The following HNRNPR variants were observed in gnomAD, a reference collection of about 807,000 sequenced individuals.
HNRNPR encodes the protein heterogeneous nuclear ribonucleoprotein R.
A neutral mutation model predicts 70.3 loss-of-function variants in HNRNPR; 4 were observed. The ratio of observed to expected loss-of-function variants is 0.06; its 90% confidence interval spans 0.03 to 0.13. The LOEUF (loss-of-function observed/expected upper bound fraction) is 0.13. HNRNPR is among the 10% of genes least tolerant of loss of function. HNRNPR has a pLI of 1.00. For missense variants in HNRNPR, 423 were observed against 788.5 expected (o/e 0.54, Z 5.55); for synonymous variants, 241 against 267.6 (o/e 0.90, Z 0.97).
chr1:23,325,591 A>G (rs1474422946), intron 5 of HNRNPR, among the ~76,000 whole-genome samples: 2 of 152,136 alleles, frequency 1.3e-5, no homozygotes, highest in African/African-American at 4.8e-5. Flanking sequence ...CTTACCTCTC[A>G]CAATGTCTAC....
At chr1:23,338,096 T>C in intron 3 of HNRNPR, 1 of 434,086 alleles carries the variant, frequency 2.3e-6, no homozygotes, top group Middle Eastern at 5.9e-4. Context: ...CTTCCACTTG[T>C]TGATATGTGA....
Position 23,329,871 on chromosome 1 carries a change from T to C in HNRNPR, c.498+3647A>G, listed in dbSNP as rs540141383. Reference sequence around the variant, plus strand: ...GTCTCAAACACCTGGGTTCAAATGATTCTCCTGCCTCAGCCTCCTGAAATG... The same window carrying C: ...GTCTCAAACACCTGGGTTCAAATGACTCTCCTGCCTCAGCCTCCTGAAATG... On this transcript the variant is annotated intron_variant, in intron 5 of 10. Transcript: ENST00000302271. Among the ~76,000 whole-genome samples, 6 of 152,308 alleles carry C rather than the reference T, an allele frequency of 3.9e-5. No individual in the cohort carries two copies. In the South Asian group the frequency reaches 6.2e-4, roughly 16 times the overall value.
At chr1:23,336,694 G>A (rs538124166) in intron 4 of HNRNPR, among the ~76,000 whole-genome samples, 1 of 138,062 alleles carries the variant, frequency 7.2e-6, no homozygotes, top group East Asian at 2.0e-4. Context: ...AGGTTGAAGT[G>A]AGCTGAGATG....
rs1264878980 is a variant in HNRNPR, at chr1:23,305,954, A to T, written c.*4500T>A. ...GTTAAGATTACTTTGGAAGATTTTTAAAAATAGTATCTTTGGTGTTTAAGC... is the reference window on the plus strand; with the variant it reads ...GTTAAGATTACTTTGGAAGATTTTTTAAAATAGTATCTTTGGTGTTTAAGC... On this transcript the variant is annotated 3_prime_UTR_variant, in exon 11 of 11. Coordinates refer to ENST00000302271, the MANE Select transcript of HNRNPR (RefSeq NM_005826.5). 2.0e-5 allele frequency: 3 copies of T among 152,170 alleles called. No individual in the cohort carries two copies. The highest frequency in any genetic ancestry group is 2.9e-5 in the Non-Finnish European group (2 of 68,014). The allele number at this position is 152,170 out of a possible 1,614,324, so 9.4% of individuals were successfully genotyped here.
Position 23,315,298 on chromosome 1 carries a change from A to C in HNRNPR, c.1018-1596T>G, listed in dbSNP as rs868138630. Among the ~76,000 whole-genome samples, 1,119 of 150,106 alleles carry C rather than the reference A, an allele frequency of 7.5e-3. 52 individuals carry two copies. Among genetic ancestry groups the C allele is most frequent in the African/African-American group, 0.025 (1,022 of 40,120 alleles). ...CCGTCTCAAAAAAAAAAAAAAAAAAAAAAAAAACAAAAACCCAAAAAATGA... is the reference window on the plus strand; with the variant it reads ...CCGTCTCAAAAAAAAAAAAAAAAAACAAAAAAACAAAAACCCAAAAAATGA... On this transcript the variant is annotated intron_variant, in intron 8 of 10. Coordinates refer to ENST00000302271, the MANE Select transcript of HNRNPR (RefSeq NM_005826.5).
At chr1:23,331,153 C>T (rs1646204639) in intron 5 of HNRNPR, among the ~76,000 whole-genome samples, 1 of 152,114 alleles carries the variant, frequency 6.6e-6, no homozygotes. Context: ...CTGTATACAA[C>T]AACATTTAAC....
At chr1:23,324,298 G>A (rs893972562) in intron 5 of HNRNPR, among the ~76,000 whole-genome samples, 8 of 152,202 alleles carry the variant, frequency 5.3e-5, no homozygotes, top group Non-Finnish European at 8.8e-5. Context: ...GCCGGGCGCG[G>A]CAGCTCACGC....
intron 4 of HNRNPR, among the ~76,000 whole-genome samples, chr1:23,333,832 C>T (rs576339148): frequency 6.6e-6 from 1 of 152,140 alleles, no homozygotes; most frequent in African/African-American, 2.4e-5. Flanking sequence ...GTTCTCTATC[C>T]TTAAAAAAAT....
At chr1:23,338,326 G>T in intron 3 of HNRNPR, 164 bp downstream of exon 3, 1 of 427,304 alleles carries the variant, frequency 2.3e-6, no homozygotes, top group Non-Finnish European at 4.2e-6. Flanking sequence ...TTATACTTGG[G>T]CTTCTGAAAC....
At chr1:23,312,868 C>G (rs1310383983) in intron 9 of HNRNPR, among the ~76,000 whole-genome samples, 3 of 152,146 alleles carry the variant, frequency 2.0e-5, no homozygotes, top group African/African-American at 4.8e-5. Context: ...CTCCCACCCC[C>G]CCAAGGAAGG....
At position 23,331,897 on chromosome 1, in the gene HNRNPR, A is replaced by G. The variant is rs577487089; in HGVS notation, c.498+1621T>C. Among the ~76,000 whole-genome samples the G allele has an allele frequency of 6.2e-5, 9 of 146,000 alleles. No homozygotes were observed. The South Asian group carries it at 2.1e-3, about 34-fold the overall frequency. On this transcript the variant is annotated intron_variant, in intron 5 of 10. Coordinates refer to ENST00000302271, the MANE Select transcript of HNRNPR (RefSeq NM_005826.5). The stretch of plus-strand genomic sequence containing the variant: ...TGTAACAGGTTACTTTTCAGCACAC[A>G]GTTTTCTCCATTTGAAGGATGAGCA...
intron 5 of HNRNPR, among the ~76,000 whole-genome samples, chr1:23,331,413 A>C (rs1055328017): frequency 6.6e-5 from 10 of 150,978 alleles, no homozygotes; most frequent in South Asian, 4.2e-4. Context: ...ATTAAAAAAA[A>C]AAAAAAAAAT....
intron 5 of HNRNPR, among the ~76,000 whole-genome samples, chr1:23,326,203 T>TA (rs1231888569): frequency 4.6e-5 from 7 of 152,046 alleles, no homozygotes; most frequent in Non-Finnish European, 1.5e-5. Flanking sequence ...CGTACGTTTT[T>TA]TTTTTTACTC....
intron 8 of HNRNPR, among the ~76,000 whole-genome samples, chr1:23,316,211 A>C (rs1645538284): frequency 6.6e-6 from 1 of 152,212 alleles, no homozygotes; most frequent in South Asian, 2.1e-4. Context: ...AGGCTGAAGC[A>C]GGAGGGACGC....
chr1:23,310,217 CA>C lies in HNRNPR; in HGVS notation c.*236del. ...AAAATGAAGCCTGAAACGATAAAAG[CA>C]TTGTAATCCCCAGAATAAGGGAACT... On this transcript the variant is annotated 3_prime_UTR_variant, in exon 11 of 11. Coordinates refer to ENST00000302271, the MANE Select transcript of HNRNPR (RefSeq NM_005826.5). The surrounding 1 kb of genome is among the most constrained non-coding windows in gnomAD (Gnocchi z 6.0). 2.7e-6 allele frequency: 1 copy of C among 377,078 alleles called. No homozygotes were observed. The highest frequency in any genetic ancestry group is 4.7e-6 in the Non-Finnish European group (1 of 211,506). 23.4% of individuals were successfully genotyped at this position (377,078 alleles called of 1,614,324 possible).
chr1:23,313,418 T>C, intron 9 of HNRNPR, 135 bp downstream of exon 9: 2 of 641,788 alleles, frequency 3.1e-6, no homozygotes, highest in Non-Finnish European at 5.4e-6. Flanking sequence ...CTATTACCAC[T>C]TTACAGAGAT....
At chr1:23,330,527 T>A (rs988329198) in intron 5 of HNRNPR, among the ~76,000 whole-genome samples, 11 of 151,888 alleles carry the variant, frequency 7.2e-5, no homozygotes, top group Admixed American at 2.0e-4. Flanking sequence ...AGAGTGAGAC[T>A]CCATCTCAAA....
intron 5 of HNRNPR, among the ~76,000 whole-genome samples, chr1:23,325,565 T>G (rs374808296): frequency 6.6e-6 from 1 of 152,188 alleles, no homozygotes; most frequent in Non-Finnish European, 1.5e-5. Flanking sequence ...GAGAAAGTCA[T>G]TGGTTTCTTC....
Position 23,310,835 on chromosome 1 carries a change from T to TCCC in HNRNPR, c.1518_1520dup (p.Gly508dup), listed in dbSNP as rs1293960131. 1 of 1,613,808 alleles carries TCCC rather than the reference T, an allele frequency of 6.2e-7. No individual in the cohort carries two copies. The highest frequency in any genetic ancestry group is 8.5e-7 in the Non-Finnish European group (1 of 1,179,984). ...TTGGTGGTGGTGGAGCACCTCGCCC[T>TCCC]CCCCTTCCTCCTCCTCTTCCTCTTA... On this transcript the variant is annotated inframe_insertion, in exon 11 of 11. Transcript: ENST00000302271. This position sits in a 1 kb window ranked among gnomAD's most constrained non-coding sequence, Gnocchi z 6.0.
Sources: gnomAD v4.1 joint callset for allele counts (sites outside exome capture counted in the v4.1 genomes callset) on GRCh38, gnomAD v4.1.1 for gene constraint, Gnocchi (gnomAD v3.1) non-coding constraint, MANE v1.5 for transcripts, NCBI Gene and HGNC (gene_info 2026-07-23, HGNC 2026-07-21) for gene names.